The following PRDM9 variants were observed in gnomAD, a reference collection of about 807,000 sequenced individuals.
PRDM9 encodes the protein histone-lysine N-methyltransferase PRDM9.
In PRDM9, 47 loss-of-function variants were observed where a neutral mutation model predicts 55.6. The ratio of observed to expected loss-of-function variants is 0.85; its 90% CI spans 0.67 to 1.08. PRDM9 has a LOEUF of 1.08. PRDM9 is among the 50% of genes least tolerant of loss of function. The pLI is 0.00. For missense variants in PRDM9, 867 were observed against 1,040.3 expected (o/e 0.83, Z 2.29); for synonymous variants, 312 against 375.7 (o/e 0.83, Z 1.96).
At chr5:23,514,162 T>C (rs1739154651) in intron 4 of PRDM9, among the ~76,000 whole-genome samples, 1 of 152,250 alleles carries the variant, frequency 6.6e-6, no homozygotes, top group Admixed American at 6.5e-5. Context: ...GTATCTTCTT[T>C]TGAGAAATGT....
chr5:23,507,842 C>G (rs1422961499), intron 1 of PRDM9, 130 bp downstream of exon 1: 1 of 152,190 alleles, frequency 6.6e-6, no homozygotes, highest in Non-Finnish European at 1.5e-5. Context: ...TTAAAATCCC[C>G]TCAGCATGAA....
At chr5:23,523,397 C>A in intron 9 of PRDM9, 39 bp downstream of exon 9, 1 of 1,563,668 alleles carries the variant, frequency 6.4e-7, no homozygotes, top group Non-Finnish European at 8.8e-7. Flanking sequence ...AGAGAACCTT[C>A]ATCTCTCACA....
rs764808250 is a variant in PRDM9 at position 23,526,705 on chromosome 5, T to C, written c.1617T>C (p.Val539=). The change falls in exon 11 of 11, where the codon GTT becomes GTC. Residue 539 remains valine (V), a synonymous_variant. Coordinates refer to ENST00000296682, the MANE Select transcript of PRDM9 (RefSeq NM_020227.4). ...CGQGFSVKSD[V]ITHQRTHTGE... Reference sequence around the variant, plus strand: ...AAGGTTTCAGTGTTAAATCAGATGTTATTACACACCAAAGGACACATACAG... The same window carrying C: ...AAGGTTTCAGTGTTAAATCAGATGTCATTACACACCAAAGGACACATACAG... 11 of 1,614,210 alleles carry C rather than the reference T, an allele frequency of 6.8e-6. No homozygotes were observed. The East Asian group carries it at 2.0e-4, about 29-fold the overall frequency.
chr5:23,527,953 G>A lies in PRDM9; in HGVS notation c.*180G>A. 1 of 827,960 alleles carries A rather than the reference G, an allele frequency of 1.2e-6. No individual in the cohort carries two copies. Among genetic ancestry groups the A allele is most frequent in the Non-Finnish European group, 1.9e-6 (1 of 517,306 alleles). The allele number at this position is 827,960 out of a possible 1,614,324, so 51.3% of individuals were successfully genotyped here. ...CAAATCCGCCACTTTCATGACTAGA[G>A]ATGAGGAAGAACAAGGGATAGTTCT... On this transcript the variant is annotated 3_prime_UTR_variant, in exon 11 of 11. Transcript: ENST00000296682.
chr5:23,519,701 T>C (rs1437273588), intron 5 of PRDM9, among the ~76,000 whole-genome samples: 5 of 151,932 alleles, frequency 3.3e-5, no homozygotes, highest in Non-Finnish European at 5.9e-5. Context: ...TATTAAGTAG[T>C]TCAAAAAACA....
At chr5:23,510,503 G>A (rs547023148) in intron 4 of PRDM9, among the ~76,000 whole-genome samples, 1 of 150,984 alleles carries the variant, frequency 6.6e-6, no homozygotes, top group African/African-American at 2.4e-5. Context: ...GACTACAGAT[G>A]TGCACCACCA....
chr5:23,520,295 G>A (rs1363323929), intron 5 of PRDM9, among the ~76,000 whole-genome samples: 2 of 148,984 alleles, frequency 1.3e-5, no homozygotes, highest in South Asian at 2.1e-4. Flanking sequence ...AACTTGGGAG[G>A]TGGAGGCTGC....
chr5:23,511,787 A>G (rs778519866), intron 4 of PRDM9, among the ~76,000 whole-genome samples: 25 of 152,366 alleles, frequency 1.6e-4, no homozygotes, highest in Admixed American at 5.2e-4. Context: ...AAGGGCTGGC[A>G]GGTGGCTTCA....
Position 23,524,283 on chromosome 5 carries a change from T to C in PRDM9, c.951-51T>C, listed in dbSNP as rs766952372. The stretch of plus-strand genomic sequence containing the variant: ...GGTGATGGGCCATACCTGGATCTGA[T>C]ACTGGGAACTCACTGCCTCTTTTCT... On this transcript the variant is annotated intron_variant, in intron 9 of 10. Coordinates refer to ENST00000296682, the MANE Select transcript of PRDM9 (RefSeq NM_020227.4). 10 of 1,590,354 alleles carry C rather than the reference T, an allele frequency of 6.3e-6. No individual in the cohort carries two copies. The South Asian group carries it at 1.1e-4, about 18-fold the overall frequency.
chr5:23,512,789 C>T (rs1739125939), intron 4 of PRDM9, among the ~76,000 whole-genome samples: 2 of 152,148 alleles, frequency 1.3e-5, no homozygotes, highest in South Asian at 2.1e-4. Flanking sequence ...ATTTCCTCCT[C>T]CCTGCAGCTC....
At chr5:23,520,878 T>G in intron 5 of PRDM9, 145 bp from the exon 6 acceptor site, 1 of 959,316 alleles carries the variant, frequency 1.0e-6, no homozygotes, top group Admixed American at 2.1e-5. Context: ...ACTTAGACCT[T>G]CTCTTTTCCC....
Position 23,510,094 on chromosome 5 carries a change from A to G in PRDM9, c.301+67A>G, listed in dbSNP as rs2973615. ...TTTGAGATGGAGTTTTGCTCTTTTC[A>G]CCCAGGCTGGGGTGCAATGGCATGA... On this transcript the variant is annotated intron_variant, in intron 4 of 10. Coordinates refer to ENST00000296682, the MANE Select transcript of PRDM9 (RefSeq NM_020227.4). 1,395,772 of 1,451,960 alleles carry G rather than the reference A, an allele frequency of 0.96. 671,563 individuals carry two copies. The highest frequency in any genetic ancestry group is 0.99 in the Admixed American group (49,328 of 50,000). 89.9% of individuals were successfully genotyped at this position (1,451,960 alleles called of 1,614,324 possible).
chr5:23,515,705 A>C (rs1356089578), intron 4 of PRDM9, among the ~76,000 whole-genome samples: 2 of 152,220 alleles, frequency 1.3e-5, no homozygotes, highest in African/African-American at 4.8e-5. Flanking sequence ...ATATGTGGTA[A>C]GAGTCTGTCT....
At chr5:23,512,651 T>C (rs954518480) in intron 4 of PRDM9, among the ~76,000 whole-genome samples, 1 of 152,186 alleles carries the variant, frequency 6.6e-6, no homozygotes, top group African/African-American at 2.4e-5. Context: ...ATATAACATA[T>C]ATTTACTCTT....
At chr5:23,509,248 A>G in intron 2 of PRDM9, 146 bp downstream of exon 2, 2 of 1,330,170 alleles carry the variant, frequency 1.5e-6, no homozygotes, top group Non-Finnish European at 2.1e-6. Flanking sequence ...TGGGGGAGAA[A>G]AGAACACTAG....
At chr5:23,522,043 G>C (rs1739336867) in intron 6 of PRDM9, among the ~76,000 whole-genome samples, 1 of 152,144 alleles carries the variant, frequency 6.6e-6, no homozygotes, top group Non-Finnish European at 1.5e-5. Context: ...ATGAATAAAT[G>C]CATGAATGAA....
intron 4 of PRDM9, among the ~76,000 whole-genome samples, chr5:23,516,668 G>T (rs114307325): frequency 1.3e-5 from 2 of 151,066 alleles, no homozygotes; most frequent in South Asian, 4.2e-4. Flanking sequence ...CACCATGCTC[G>T]GCCCGAATTC....
chr5:23,514,388 T>C (rs1739159510), intron 4 of PRDM9, among the ~76,000 whole-genome samples: 1 of 152,208 alleles, frequency 6.6e-6, no homozygotes, highest in African/African-American at 2.4e-5. Flanking sequence ...GAATTATTTG[T>C]GTTCCCACAT....
At position 23,526,574 on chromosome 5, in the gene PRDM9, G is replaced by A. The variant is rs1739439247; in HGVS notation, c.1486G>A (p.Glu496Lys). 1 of 1,614,120 alleles carries A rather than the reference G, an allele frequency of 6.2e-7. No homozygotes were observed. The highest frequency in any genetic ancestry group is 1.7e-5 in the Admixed American group (1 of 60,014). ...SCRVGKRIMEEESRTGQKVNP... is the reference protein window; with the variant it reads ...SCRVGKRIMEKESRTGQKVNP... ...TAGAGTGGGAAAAAGAATAATGGAA[G>A]AAGAGTCCAGAACAGGCCAGAAAGT... Residue 496 changes from glutamate (E) to lysine (K), a missense_variant, in exon 11 of 11, where the codon GAA (glutamate) becomes AAA (lysine). By Grantham distance (56) the Glu-to-Lys change is moderately conservative (BLOSUM62 1). Transcript: ENST00000296682.
Sources: gnomAD v4.1 joint callset for allele counts (sites outside exome capture counted in the v4.1 genomes callset) on GRCh38, gnomAD v4.1.1 for gene constraint, MANE v1.5 for transcripts, NCBI Gene and HGNC (gene_info 2026-07-23, HGNC 2026-07-21) for gene names.